The following FAM171A1 variants were observed in gnomAD, a reference collection of about 807,000 sequenced individuals.
FAM171A1 encodes protein FAM171A1.
FAM171A1 carries 23 observed loss-of-function variants against 74.9 expected under a neutral mutation model. The observed-to-expected ratio is 0.31, with a 90% CI of 0.22 to 0.44. FAM171A1 has a LOEUF of 0.44. FAM171A1 is among the 20% of genes least tolerant of loss of function. FAM171A1 has a pLI of 1.00. For missense variants in FAM171A1, 1,162 were observed against 1,159.2 expected (o/e 1.00, Z -0.03); for synonymous variants, 527 against 505.7 (o/e 1.04, Z -0.57).
chr10:15,274,796 T>A (rs1834871893), intron 3 of FAM171A1, among the ~76,000 whole-genome samples: 2 of 152,202 alleles, frequency 1.3e-5, no homozygotes, highest in African/African-American at 4.8e-5. Context: ...AATGATTCCC[T>A]ATTTAATAAA....
chr10:15,276,982 T>C (rs1427633724), intron 2 of FAM171A1, among the ~76,000 whole-genome samples: 1 of 152,184 alleles, frequency 6.6e-6, no homozygotes, highest in Non-Finnish European at 1.5e-5. Flanking sequence ...CCACTGCACC[T>C]AGCCAAGTTA....
intron 1 of FAM171A1, among the ~76,000 whole-genome samples, chr10:15,365,493 G>A (rs373276958): frequency 2.0e-5 from 3 of 152,182 alleles, no homozygotes; most frequent in African/African-American, 7.2e-5. Context: ...GAAAAGGACT[G>A]GGCATGGTGG....
At chr10:15,351,022 C>G (rs1275662826) in intron 1 of FAM171A1, among the ~76,000 whole-genome samples, 1 of 152,162 alleles carries the variant, frequency 6.6e-6, no homozygotes, top group Non-Finnish European at 1.5e-5. Flanking sequence ...CCTTGAATGC[C>G]CCTTTCTCAT....
intron 1 of FAM171A1, among the ~76,000 whole-genome samples, chr10:15,338,807 C>A (rs1835732312): frequency 1.3e-5 from 2 of 152,218 alleles, no homozygotes; most frequent in Admixed American, 1.3e-4. Context: ...GTAGCGTGAT[C>A]TTGGCATCCT....
intron 5 of FAM171A1, among the ~76,000 whole-genome samples, chr10:15,239,506 T>G (rs1834336897): frequency 6.6e-6 from 1 of 152,096 alleles, no homozygotes; most frequent in African/African-American, 2.4e-5. Flanking sequence ...TTTCACTATG[T>G]TGACCAGGCT....
intron 1 of FAM171A1, among the ~76,000 whole-genome samples, chr10:15,291,430 C>G (rs189036413): frequency 2.2e-4 from 33 of 152,296 alleles, no homozygotes; most frequent in Admixed American, 1.9e-3. Context: ...ACACTAGGCT[C>G]ATTGTAAGCG....
In FAM171A1 at chr10:15,283,984, G is replaced by T. The variant is rs768446338; in HGVS notation, c.219C>A (p.Val73=). The part of the protein sequence containing the change: ...IASGTSGTDG[V]AFIKFQYKLG... ...GCTTATACTGGAACTTGATAAAGGC[G>T]ACGCCATCAGTCCCCGAGGTGCCAG... Residue 73 remains valine, a synonymous_variant, in exon 2 of 8, where the codon GTC becomes GTA. Coordinates refer to ENST00000378116, the MANE Select transcript of FAM171A1 (RefSeq NM_001010924.2). 1 of 1,614,060 alleles carries T rather than the reference G, an allele frequency of 6.2e-7. No homozygotes were observed. Among genetic ancestry groups the T allele is most frequent in the Non-Finnish European group, 8.5e-7 (1 of 1,180,050 alleles).
intron 1 of FAM171A1, among the ~76,000 whole-genome samples, chr10:15,362,914 C>T (rs1450487796): frequency 1.3e-5 from 2 of 152,042 alleles, no homozygotes; most frequent in African/African-American, 2.4e-5. Context: ...GTAAACTTTC[C>T]GAGGTGAGAA....
chr10:15,274,206 T>C (rs551640230), intron 3 of FAM171A1, among the ~76,000 whole-genome samples: 239 of 152,272 alleles, frequency 1.6e-3, no homozygotes, highest in African/African-American at 5.4e-3. Context: ...ACAAAATCAA[T>C]GTGCAAAAAT....
intron 1 of FAM171A1, 23 bp downstream of exon 1, chr10:15,370,933 C>G: frequency 8.9e-7 from 1 of 1,118,836 alleles, no homozygotes; most frequent in Non-Finnish European, 1.1e-6. Flanking sequence ...ACAAAGCCCC[C>G]GGCCCCGCCG....
chr10:15,361,031 C>T (rs1483146269), intron 1 of FAM171A1, among the ~76,000 whole-genome samples: 1 of 152,202 alleles, frequency 6.6e-6, no homozygotes, highest in East Asian at 1.9e-4. Context: ...TTGGACCTAA[C>T]TTTTGCAAGC....
intron 2 of FAM171A1, among the ~76,000 whole-genome samples, chr10:15,277,107 T>C (rs1457811356): frequency 6.6e-6 from 1 of 152,230 alleles, no homozygotes; most frequent in Non-Finnish European, 1.5e-5. Flanking sequence ...CATTATAGAA[T>C]AATAATCATC....
Position 15,350,158 on chromosome 10 carries a change from A to AAAAC in FAM171A1, c.97+20794_97+20797dup, listed in dbSNP as rs201511794. ...GCTCAGCAACCCACTGATAATTTTG[A>AAAAC]AAACAAACAAACAAATAAAAAAAGA... On this transcript the variant is annotated intron_variant, in intron 1 of 7. Coordinates refer to ENST00000378116, the MANE Select transcript of FAM171A1 (RefSeq NM_001010924.2). Among the ~76,000 whole-genome samples, 890 of 152,198 alleles carry AAAAC rather than the reference A, an allele frequency of 5.8e-3. 35 individuals are homozygous for AAAAC. The East Asian group carries it at 0.1, about 17-fold the overall frequency.
intron 1 of FAM171A1, among the ~76,000 whole-genome samples, chr10:15,351,998 GGCAACATGGT>G (rs1835885534): frequency 6.6e-6 from 1 of 151,516 alleles, no homozygotes; most frequent in Admixed American, 6.6e-5. Flanking sequence ...GACCATAATG[GGCAACATGGT>G]GAAACCCTGT....
chr10:15,299,287 G>A (rs1357248022), intron 1 of FAM171A1, among the ~76,000 whole-genome samples: 2 of 152,098 alleles, frequency 1.3e-5, no homozygotes, highest in Non-Finnish European at 1.5e-5. Flanking sequence ...GAAGAATCTG[G>A]GAACTGCTTA....
chr10:15,215,199 T>C lies in FAM171A1; in HGVS notation c.987-598A>G, dbSNP rs550486553. On this transcript the variant is annotated intron_variant, in intron 7 of 7. Transcript: ENST00000378116. ...ACAACTTATTAAAGAGTCTCAAACG[T>C]GACTAAAATGCTTTGCATTTTTAAA... is the stretch of plus-strand genomic sequence containing the variant. 2.0e-5 allele frequency among the ~76,000 whole-genome samples: 3 copies of C among 152,324 alleles called. No individual in the cohort carries two copies. The South Asian group carries it at 6.2e-4, about 32-fold the overall frequency.
At chr10:15,238,078 C>T (rs750381327) in intron 5 of FAM171A1, among the ~76,000 whole-genome samples, 31 of 152,192 alleles carry the variant, frequency 2.0e-4, no homozygotes, top group Admixed American at 1.6e-3. Context: ...CACACATCTA[C>T]GCACAGACTT....
chr10:15,337,812 G>C (rs557409268), intron 1 of FAM171A1, among the ~76,000 whole-genome samples: 4 of 152,276 alleles, frequency 2.6e-5, no homozygotes, highest in Non-Finnish European at 5.9e-5. Context: ...TTAGCTGGGC[G>C]TGGTGGTGCA....
chr10:15,300,431 C>A (rs1310575929), intron 1 of FAM171A1, among the ~76,000 whole-genome samples: 1 of 152,050 alleles, frequency 6.6e-6, no homozygotes, highest in Non-Finnish European at 1.5e-5. Context: ...CTTGAAAACA[C>A]TGTAAGATTG....
Sources: allele counts gnomAD v4.1 joint callset (sites outside exome capture counted in the v4.1 genomes callset), GRCh38; gene constraint gnomAD v4.1.1; transcripts MANE v1.5; gene names NCBI Gene and HGNC (gene_info 2026-07-23, HGNC 2026-07-21).